Variants in KCNH8 observed in about 807,000 individuals in gnomAD.
KCNH8 encodes voltage-gated delayed rectifier potassium channel KCNH8.
Under a neutral mutation model 103.6 loss-of-function variants are expected in KCNH8, and 70 were observed. The observed-to-expected ratio is 0.68, with a 90% CI of 0.56 to 0.82. The LOEUF is 0.82. Ranked by LOEUF, KCNH8 falls within the 40% of genes least tolerant of loss-of-function variation. The probability of loss-of-function intolerance (pLI) is 0.00; values close to 1 mark genes in which losing one functional copy is unlikely to be tolerated. For synonymous variants in KCNH8, 498 were observed against 489.4 expected (o/e 1.02, Z -0.23); for missense variants, 1,217 against 1,329.9 (o/e 0.92, Z 1.32).
intron 5 of KCNH8, among the ~76,000 whole-genome samples, chr3:19,385,725 G>A (rs565502097): frequency 2.0e-5 from 3 of 152,136 alleles, no homozygotes; most frequent in African/African-American, 4.8e-5. Context: ...CTATTCATTC[G>A]TCTCACACCT....
At chr3:19,184,025 A>G (rs2063480578) in intron 1 of KCNH8, among the ~76,000 whole-genome samples, 1 of 152,124 alleles carries the variant, frequency 6.6e-6, no homozygotes, top group Non-Finnish European at 1.5e-5. Flanking sequence ...CAATTTGTCA[A>G]GTTACAGTAA....
intron 1 of KCNH8, among the ~76,000 whole-genome samples, chr3:19,219,838 G>A (rs541156504): frequency 9.2e-5 from 14 of 152,076 alleles, no homozygotes; most frequent in Non-Finnish European, 2.1e-4. Context: ...CTTCTAGAAG[G>A]GACCTATTAC....
At chr3:19,503,922 G>A (rs2068641763) in intron 11 of KCNH8, among the ~76,000 whole-genome samples, 1 of 151,328 alleles carries the variant, frequency 6.6e-6, no homozygotes, top group East Asian at 1.9e-4. Flanking sequence ...AAAACTTAAA[G>A]TATAATAATA....
chr3:19,178,745 C>G (rs1452931494), intron 1 of KCNH8, among the ~76,000 whole-genome samples: 1 of 152,094 alleles, frequency 6.6e-6, no homozygotes, highest in African/African-American at 2.4e-5. Context: ...ACTTATGGTT[C>G]AGGTCTTGCA....
At chr3:19,228,837 T>A (rs2063962025) in intron 1 of KCNH8, among the ~76,000 whole-genome samples, 2 of 152,218 alleles carry the variant, frequency 1.3e-5, no homozygotes, top group South Asian at 2.1e-4. Flanking sequence ...TATGTCTACC[T>A]ATGAAAAAAA....
chr3:19,360,017 C>T (rs996324413), intron 5 of KCNH8, among the ~76,000 whole-genome samples: 2 of 151,830 alleles, frequency 1.3e-5, no homozygotes, highest in Non-Finnish European at 2.9e-5. Flanking sequence ...AAAAAACATA[C>T]ATATAAGAGT....
At chr3:19,441,228 C>A (rs1474140827) in intron 8 of KCNH8, among the ~76,000 whole-genome samples, 1 of 152,212 alleles carries the variant, frequency 6.6e-6, no homozygotes, top group Non-Finnish European at 1.5e-5. Context: ...ACACTCCACA[C>A]AGCTCCTGCT....
At chr3:19,431,284 A>T (rs1048985843) in intron 7 of KCNH8, among the ~76,000 whole-genome samples, 6 of 152,342 alleles carry the variant, frequency 3.9e-5, no homozygotes, top group African/African-American at 1.2e-4. Context: ...GATGCATCAC[A>T]TTTATTGATT....
At chr3:19,281,511 G>A (rs980569533) in intron 3 of KCNH8, among the ~76,000 whole-genome samples, 182 bp downstream of exon 3, 13 of 151,928 alleles carry the variant, frequency 8.6e-5, no homozygotes, top group Admixed American at 5.9e-4. Context: ...ACATTCTATC[G>A]TCTTTATAAT....
intron 10 of KCNH8, among the ~76,000 whole-genome samples, chr3:19,455,062 T>C (rs1334876156): frequency 6.6e-6 from 1 of 152,134 alleles, no homozygotes; most frequent in Non-Finnish European, 1.5e-5. Flanking sequence ...ACTCTGCCAA[T>C]GAAAAAAAGC....
At position 19,367,704 on chromosome 3, in the gene KCNH8, G is replaced by A. The variant is rs368236992; in HGVS notation, c.811+19739G>A. The stretch of plus-strand genomic sequence containing the variant: ...TTGAACAACAGCCTTATTTCCAAAG[G>A]TTTGTTTGTTTCATGTGGCCTCACA... On this transcript the variant is annotated intron_variant, in intron 5 of 15. Coordinates refer to ENST00000328405, the MANE Select transcript of KCNH8 (RefSeq NM_144633.3). Among the ~76,000 whole-genome samples, 12 of 149,846 alleles carry A rather than the reference G, an allele frequency of 8.0e-5. No individual in the cohort carries two copies. In the East Asian group the frequency reaches 1.2e-3, roughly 14 times the overall value.
intron 11 of KCNH8, among the ~76,000 whole-genome samples, chr3:19,495,695 T>C (rs954996397): frequency 3.9e-5 from 6 of 152,136 alleles, no homozygotes; most frequent in South Asian, 2.1e-4. Flanking sequence ...GGCTCTTTTT[T>C]AGTTTTGTAC....
chr3:19,355,057 C>G (rs1469669845), intron 5 of KCNH8, among the ~76,000 whole-genome samples: 2 of 152,090 alleles, frequency 1.3e-5, no homozygotes, highest in Admixed American at 6.6e-5. Flanking sequence ...ACAACCCCAT[C>G]AAAAAGTGGG....
intron 2 of KCNH8, among the ~76,000 whole-genome samples, chr3:19,274,525 G>A (rs2064635286): frequency 6.6e-6 from 1 of 152,070 alleles, no homozygotes; most frequent in Admixed American, 6.6e-5. Context: ...TTTACCATGG[G>A]AACCAATTTG....
chr3:19,428,336 G>A (rs1030801731), intron 7 of KCNH8, among the ~76,000 whole-genome samples: 5 of 152,116 alleles, frequency 3.3e-5, no homozygotes, highest in Admixed American at 2.0e-4. Flanking sequence ...ACCATTTAAT[G>A]ACTTCGGTAC....
At chr3:19,476,922 T>C (rs563848024) in intron 11 of KCNH8, among the ~76,000 whole-genome samples, 3 of 152,112 alleles carry the variant, frequency 2.0e-5, no homozygotes, top group Non-Finnish European at 2.9e-5. Flanking sequence ...CATTCTTGAG[T>C]TGATTTGTAT....
intron 1 of KCNH8, among the ~76,000 whole-genome samples, chr3:19,157,581 G>A (rs1022782287): frequency 3.9e-5 from 6 of 151,902 alleles, no homozygotes; most frequent in Admixed American, 1.3e-4. Context: ...AAATTATTTG[G>A]TAGATATTAA....
intron 11 of KCNH8, among the ~76,000 whole-genome samples, chr3:19,486,685 G>C (rs951564864): frequency 1.3e-5 from 2 of 152,178 alleles, no homozygotes; most frequent in African/African-American, 4.8e-5. Flanking sequence ...CAAAAGACTA[G>C]CTCTTGTAGA....
chr3:19,335,991 ATGT>A (rs946403301), intron 3 of KCNH8, among the ~76,000 whole-genome samples: 9 of 151,574 alleles, frequency 5.9e-5, no homozygotes, highest in Non-Finnish European at 1.2e-4. Flanking sequence ...TTAGAAAAAA[ATGT>A]TGTTTTCTGC....
Sources: gnomAD v4.1 joint callset for allele counts (sites outside exome capture counted in the v4.1 genomes callset) on GRCh38, gnomAD v4.1.1 for gene constraint, MANE v1.5 for transcripts, NCBI Gene and HGNC (gene_info 2026-07-23, HGNC 2026-07-21) for gene names.